Variants in HORMAD1 observed in about 807,000 individuals in gnomAD.
HORMAD1 encodes HORMA domain containing 1.
In HORMAD1, 33 loss-of-function variants were observed where a neutral mutation model predicts 58.2. The ratio of observed to expected loss-of-function variants is 0.57; its 90% CI spans 0.43 to 0.76. The LOEUF (loss-of-function observed/expected upper bound fraction) is 0.76. Among genes scored for constraint, HORMAD1 ranks in the 30% least tolerant of loss-of-function variants. The pLI is 0.00. For missense variants in HORMAD1, 363 were observed against 462.0 expected (o/e 0.79, Z 1.96); for synonymous variants, 137 against 144.6 (o/e 0.95, Z 0.38).
At chr1:150,707,120 C>T (rs1026603422) in intron 9 of HORMAD1, among the ~76,000 whole-genome samples, 5 of 151,970 alleles carry the variant, frequency 3.3e-5, no homozygotes, top group South Asian at 2.1e-4. Context: ...AATAAAGTGT[C>T]GTAAAATGTT....
intron 10 of HORMAD1, among the ~76,000 whole-genome samples, chr1:150,704,691 A>T (rs1473475585): frequency 6.6e-6 from 1 of 152,096 alleles, no homozygotes; most frequent in Non-Finnish European, 1.5e-5. Context: ...AGCCGTGATC[A>T]TCCCACTGCG....
intron 5 of HORMAD1, among the ~76,000 whole-genome samples, chr1:150,713,070 C>G (rs1651949976): frequency 6.6e-6 from 1 of 152,124 alleles, no homozygotes; most frequent in South Asian, 2.1e-4. Flanking sequence ...ATTTGCTGCT[C>G]TGCCAGGAGT....
chr1:150,714,593 C>T, intron 4 of HORMAD1, 22 bp downstream of exon 4: 3 of 1,286,962 alleles, frequency 2.3e-6, no homozygotes, highest in Non-Finnish European at 3.2e-6. Flanking sequence ...AATTTTCTCT[C>T]TTTAGGTATT....
chr1:150,711,808 G>A, intron 6 of HORMAD1, 25 bp downstream of exon 6: 1 of 1,540,376 alleles, frequency 6.5e-7, no homozygotes. Context: ...ATTAAAAAAA[G>A]AACACACAAT....
At chr1:150,710,431 T>A (rs587671727) in intron 7 of HORMAD1, among the ~76,000 whole-genome samples, 1 of 152,360 alleles carries the variant, frequency 6.6e-6, no homozygotes, top group South Asian at 2.1e-4. Context: ...ACAAATGGGA[T>A]AATTTATACA....
In HORMAD1 at chr1:150,706,551, ACACTTG is replaced by A. The variant is rs764983414; in HGVS notation, c.800_804+1del. 1.3e-6 allele frequency: 2 copies of A among 1,596,294 alleles called. No individual in the cohort carries two copies. The highest frequency in any genetic ancestry group is 2.2e-5 in the South Asian group (2 of 90,126). On this transcript the variant is annotated splice_donor_variant and coding_sequence_variant, in exon 10 of 15. Coordinates refer to ENST00000361824, the MANE Select transcript of HORMAD1 (RefSeq NM_032132.5). LOFTEE classifies it high-confidence loss of function. ...TCTTTATAACTCTTGAAATACACTT[ACACTTG>A]TATAATGCTCCTGTTCATCTTCTAC...
At chr1:150,708,993 G>C (rs1472603859) in intron 7 of HORMAD1, 32 bp from the exon 8 acceptor site, 1 of 1,025,902 alleles carries the variant, frequency 9.7e-7, no homozygotes, top group South Asian at 1.3e-5. Flanking sequence ...TTATGCTTCT[G>C]ATATTCAGTA....
chr1:150,704,355 T>A lies in HORMAD1; in HGVS notation c.805-12A>T, dbSNP rs775517574. On this transcript the variant is annotated splice_polypyrimidine_tract_variant and intron_variant, in intron 10 of 14. Transcript: ENST00000361824. ...ATGTCCAAATCATCCTACATAATTA[T>A]GTGAAGAAAAAAATTGACACATTTC... The A allele has an allele frequency of 6.6e-7, 1 of 1,517,792 alleles. No individual in the cohort carries two copies. Among genetic ancestry groups the A allele is most frequent in the South Asian group, 1.2e-5 (1 of 81,848 alleles). The allele number at this position is 1,517,792 out of a possible 1,614,324, so 94.0% of individuals were successfully genotyped here. A position where few individuals can be genotyped will look rare whatever the true frequency, so the allele number is the denominator to read the frequency against.
At chr1:150,703,520 T>C (rs1229493957) in intron 12 of HORMAD1, 127 bp from the exon 13 acceptor site, 6 of 581,872 alleles carry the variant, frequency 1.0e-5, no homozygotes, top group Non-Finnish European at 1.8e-5. Context: ...ACCAATAATT[T>C]TGAGTTGGTT....
chr1:150,720,745 G>C (rs1170624186), intron 1 of HORMAD1, 59 bp downstream of exon 1: 1 of 152,162 alleles, frequency 6.6e-6, no homozygotes, highest in East Asian at 1.9e-4. Flanking sequence ...CAGACAAAGA[G>C]ATTAAAAAGT....
chr1:150,717,967 T>C (rs1186268893), intron 2 of HORMAD1, among the ~76,000 whole-genome samples: 1 of 152,160 alleles, frequency 6.6e-6, no homozygotes, highest in Non-Finnish European at 1.5e-5. Flanking sequence ...ATATAATCAT[T>C]ATATAATTCT....
In HORMAD1 at chr1:150,708,329, A is replaced by G. The variant is rs1311589051; in HGVS notation, c.474T>C (p.Tyr158=). 2 of 1,611,810 alleles carry G rather than the reference A, an allele frequency of 1.2e-6. No homozygotes were observed. Among genetic ancestry groups the G allele is most frequent in the South Asian group, 1.1e-5 (1 of 90,834 alleles). ...KASILLIRKI[Y]ILMQNLGPLP... is the part of the protein sequence containing the mutation. The stretch of plus-strand genomic sequence containing the variant: ...AAGGCCCCAGATTTTGCATTAGGAT[A>G]TAAATCTTGCGAATGAGGAGAATGC... Residue 158 remains tyrosine, a synonymous_variant, in exon 9 of 15, where the codon TAT becomes TAC. Coordinates refer to ENST00000361824, the MANE Select transcript of HORMAD1 (RefSeq NM_032132.5).
At chr1:150,716,094 T>C (rs886973347) in intron 3 of HORMAD1, among the ~76,000 whole-genome samples, 21 of 146,354 alleles carry the variant, frequency 1.4e-4, no homozygotes, top group African/African-American at 5.0e-4. Context: ...TGATCCATGC[T>C]ACAATACGGA....
chr1:150,715,210 G>C (rs73008807), intron 3 of HORMAD1, among the ~76,000 whole-genome samples: 1 of 152,004 alleles, frequency 6.6e-6, no homozygotes, highest in Admixed American at 6.6e-5. Context: ...CAAGCTGATG[G>C]GTACAAAAAT....
intron 5 of HORMAD1, among the ~76,000 whole-genome samples, chr1:150,712,433 G>C (rs1013926072): frequency 3.9e-5 from 6 of 152,182 alleles, no homozygotes; most frequent in African/African-American, 1.4e-4. Flanking sequence ...TGCTATCCTG[G>C]TCTAAGCAAC....
chr1:150,720,429 TC>T (rs1419180813), intron 1 of HORMAD1, among the ~76,000 whole-genome samples: 4 of 152,074 alleles, frequency 2.6e-5, no homozygotes, highest in Non-Finnish European at 5.9e-5. Context: ...TCTCAAATGA[TC>T]CTCCGGCCTC....
At chr1:150,702,379 C>A (rs1651563011) in intron 13 of HORMAD1, among the ~76,000 whole-genome samples, 1 of 152,156 alleles carries the variant, frequency 6.6e-6, no homozygotes, top group Admixed American at 6.5e-5. Context: ...CTTCAAAGAT[C>A]TAGAACCAGA....
At chr1:150,716,569 G>T (rs1427500525) in intron 3 of HORMAD1, among the ~76,000 whole-genome samples, 1 of 152,128 alleles carries the variant, frequency 6.6e-6, no homozygotes, top group African/African-American at 2.4e-5. Flanking sequence ...TTGAGGGGAA[G>T]TGCACAGTGC....
chr1:150,699,445 A>T (rs1485996422), intron 14 of HORMAD1, among the ~76,000 whole-genome samples: 3 of 152,042 alleles, frequency 2.0e-5, no homozygotes, highest in Admixed American at 2.0e-4. Flanking sequence ...GCCCAATTTC[A>T]GTTCTATATA....
Sources: allele counts gnomAD v4.1 joint callset (sites outside exome capture counted in the v4.1 genomes callset), GRCh38; gene constraint gnomAD v4.1.1; transcripts MANE v1.5; gene names NCBI Gene and HGNC (gene_info 2026-07-23, HGNC 2026-07-21).